PEBP4: variants seen among roughly 807,000 people sequenced by gnomAD.
PEBP4 encodes the protein phosphatidylethanolamine-binding protein 4.
PEBP4 carries 22 observed loss-of-function variants against 23.9 expected under a neutral mutation model. That is an observed-to-expected ratio of 0.92 (90% CI 0.66 to 1.31). The LOEUF is 1.31. Ranked by LOEUF, PEBP4 falls within the 40% of genes most tolerant of loss-of-function variation. The pLI is 0.00. For missense variants in PEBP4, 324 were observed against 281.7 expected, an observed-to-expected ratio of 1.15 and a Z score of -1.07; for synonymous variants, 112 against 99.3, an observed-to-expected ratio of 1.13 and a Z score of -0.76.
At chr8:22,925,085 C>A in intron 2 of PEBP4, 1 of 985,380 alleles carries the variant, frequency 1.0e-6, no homozygotes, top group Non-Finnish European at 1.2e-6. Flanking sequence ...CCTGCTGTCT[C>A]CTCAGGGGTC....
chr8:22,758,777 G>A (rs911569209), intron 4 of PEBP4, among the ~76,000 whole-genome samples: 3 of 152,220 alleles, frequency 2.0e-5, no homozygotes, highest in African/African-American at 4.8e-5. Flanking sequence ...GGGTCCAGGG[G>A]TGGCCCACCC....
chr8:22,938,460 C>CAGTCTTCCACCAGTA (rs1302531872), intron 1 of PEBP4, among the ~76,000 whole-genome samples: 1 of 152,220 alleles, frequency 6.6e-6, no homozygotes, highest in Admixed American at 6.5e-5. Flanking sequence ...CAGACAGCAT[C>CAGTCTTCCACCAGTA]TGCAGTACTT....
chr8:22,740,507 T>C (rs560949476), intron 4 of PEBP4, among the ~76,000 whole-genome samples: 4 of 152,154 alleles, frequency 2.6e-5, no homozygotes, highest in Non-Finnish European at 4.4e-5. Context: ...CACTAAAGTC[T>C]GTGAAGCCCC....
At chr8:22,871,300 C>T (rs1191692536) in intron 3 of PEBP4, among the ~76,000 whole-genome samples, 1 of 152,106 alleles carries the variant, frequency 6.6e-6, no homozygotes, top group Non-Finnish European at 1.5e-5. Context: ...ACATTTTGCA[C>T]CCCCATCACT....
chr8:22,869,371 G>A (rs1033381382), intron 3 of PEBP4, among the ~76,000 whole-genome samples: 1 of 152,204 alleles, frequency 6.6e-6, no homozygotes, highest in African/African-American at 2.4e-5. Flanking sequence ...CTACCAGAAA[G>A]TGAGCTCCAC....
At chr8:22,738,299 C>A (rs114115675) in intron 4 of PEBP4, among the ~76,000 whole-genome samples, 1 of 152,160 alleles carries the variant, frequency 6.6e-6, no homozygotes, top group Non-Finnish European at 1.5e-5. Context: ...CAGACACAGG[C>A]GGGCTCGGCT....
At chr8:22,769,284 GT>G (rs1329292050) in intron 4 of PEBP4, among the ~76,000 whole-genome samples, 4 of 152,212 alleles carry the variant, frequency 2.6e-5, no homozygotes, top group Admixed American at 2.6e-4. Flanking sequence ...TGCAGCCCAA[GT>G]TTACAGGCCA....
intron 3 of PEBP4, among the ~76,000 whole-genome samples, chr8:22,830,441 C>T (rs1159088403): frequency 6.6e-6 from 1 of 152,130 alleles, no homozygotes; most frequent in Non-Finnish European, 1.5e-5. Flanking sequence ...AGCCACTGCA[C>T]CTGGCCAGCT....
intron 3 of PEBP4, among the ~76,000 whole-genome samples, chr8:22,856,307 G>A (rs975312952): frequency 3.9e-5 from 6 of 152,132 alleles, no homozygotes; most frequent in Non-Finnish European, 7.4e-5. Flanking sequence ...TTTTTTACTT[G>A]TCAAATTGGT....
At chr8:22,936,413 T>C (rs923053215) in intron 1 of PEBP4, among the ~76,000 whole-genome samples, 1 of 152,084 alleles carries the variant, frequency 6.6e-6, no homozygotes, top group Non-Finnish European at 1.5e-5. Context: ...CATAAAGAGA[T>C]GGAAAGCCTG....
intron 4 of PEBP4, among the ~76,000 whole-genome samples, chr8:22,811,934 G>T (rs1218311853): frequency 2.0e-5 from 3 of 152,240 alleles, no homozygotes; most frequent in Admixed American, 6.5e-5. Flanking sequence ...AGATGTCAAA[G>T]TTGGGGGCTG....
chr8:22,734,908 C>T (rs1159125595), intron 4 of PEBP4, among the ~76,000 whole-genome samples: 1 of 152,196 alleles, frequency 6.6e-6, no homozygotes, highest in Non-Finnish European at 1.5e-5. Context: ...TCACCACCCT[C>T]CATGACACTG....
rs553025768 is a variant in PEBP4, at chr8:22,911,666, C to G, written c.258+8518G>C. On this transcript the variant is annotated intron_variant, in intron 3 of 6. Coordinates refer to ENST00000256404, the MANE Select transcript of PEBP4 (RefSeq NM_144962.3). ...TCCTTCTAAATGGCTCCCACAAAGG[C>G]CGGCAGCTATTTTAAAATCCAAGAA... Among the ~76,000 whole-genome samples the G allele has an allele frequency of 8.5e-5, 13 of 152,338 alleles. No individual in the cohort carries two copies. In the East Asian group the frequency reaches 2.5e-3, roughly 29 times the overall value.
At chr8:22,751,679 T>C (rs182519512) in intron 4 of PEBP4, among the ~76,000 whole-genome samples, 4 of 151,512 alleles carry the variant, frequency 2.6e-5, no homozygotes, top group South Asian at 4.2e-4. Context: ...ATATTTGTAT[T>C]TACAGAACAT....
At chr8:22,885,899 G>A (rs1007853586) in intron 3 of PEBP4, 5 of 152,138 alleles carry the variant, frequency 3.3e-5, no homozygotes, top group East Asian at 1.9e-4. Context: ...CCCAAGAACC[G>A]GCCTCCTGGC....
chr8:22,906,701 ATC>A (rs1275786033), intron 3 of PEBP4, among the ~76,000 whole-genome samples: 1 of 152,218 alleles, frequency 6.6e-6, no homozygotes, highest in African/African-American at 2.4e-5. Flanking sequence ...GACATACATA[ATC>A]TCTTGTCATC....
intron 3 of PEBP4, among the ~76,000 whole-genome samples, chr8:22,868,060 G>A (rs999897742): frequency 6.6e-6 from 1 of 152,150 alleles, no homozygotes; most frequent in African/African-American, 2.4e-5. Flanking sequence ...TTGATAAGTG[G>A]CTGCCGACAG....
At chr8:22,817,143 A>T (rs146419476) in intron 4 of PEBP4, among the ~76,000 whole-genome samples, 2,151 of 152,330 alleles carry the variant, frequency 0.014, 25 homozygotes, top group South Asian at 0.034. Context: ...GTACACAAAG[A>T]AAAGGAAGTT....
At chr8:22,809,546 G>A (rs902707911) in intron 4 of PEBP4, among the ~76,000 whole-genome samples, 8 of 152,074 alleles carry the variant, frequency 5.3e-5, no homozygotes, top group African/African-American at 1.7e-4. Context: ...TAGGTTTTGG[G>A]CTCCAATCTC....
Sources: allele counts gnomAD v4.1 joint callset (sites outside exome capture counted in the v4.1 genomes callset), GRCh38; gene constraint gnomAD v4.1.1; transcripts MANE v1.5; gene names NCBI Gene and HGNC (gene_info 2026-07-23, HGNC 2026-07-21).